MARCHF1: variants seen among roughly 807,000 people sequenced by gnomAD.
The protein encoded by MARCHF1 is membrane associated ring-CH-type finger 1.
MARCHF1 carries 40 observed loss-of-function variants against 54.2 expected under a neutral mutation model. The observed-to-expected ratio is 0.74, with a 90% CI of 0.57 to 0.96. The LOEUF (loss-of-function observed/expected upper bound fraction) is 0.96, where lower values mean the gene tolerates loss of function less well. Among genes scored for constraint, MARCHF1 ranks in the 40% least tolerant of loss-of-function variants. MARCHF1 has a pLI of 0.00. For missense variants in MARCHF1, 586 were observed against 656.5 expected (o/e 0.89, Z 1.17); for synonymous variants, 236 against 236.3 (o/e 1.00, Z 0.01).
In MARCHF1 at chr4:163,882,501, G is replaced by A. The variant is rs957308867; in HGVS notation, c.-38-28332C>T. 4.6e-5 allele frequency among the ~76,000 whole-genome samples: 7 copies of A among 152,198 alleles called. No individual in the cohort carries two copies. The East Asian group carries it at 1.2e-3, about 25-fold the overall frequency. On this transcript the variant is annotated intron_variant, in intron 3 of 9. Transcript: ENST00000514618. ...TTACAAATGTCTAAATAATTTACCC[G>A]ATATTTAAGTTTCATAATTCTGTGA...
chr4:163,750,081 T>A (rs894267601), intron 4 of MARCHF1, among the ~76,000 whole-genome samples: 3 of 146,976 alleles, frequency 2.0e-5, no homozygotes, highest in African/African-American at 5.0e-5. Context: ...AAAAAAAAGA[T>A]CTCTTCCTCT....
chr4:163,707,769 A>G (rs1175152481), intron 4 of MARCHF1, among the ~76,000 whole-genome samples: 2 of 149,300 alleles, frequency 1.3e-5, no homozygotes, highest in Non-Finnish European at 3.0e-5. Context: ...CACTTAATAT[A>G]CAACTCTGTT....
intron 4 of MARCHF1, among the ~76,000 whole-genome samples, chr4:163,733,117 A>G (rs1745893708): frequency 7.4e-6 from 1 of 134,570 alleles, no homozygotes; most frequent in South Asian, 2.5e-4. Context: ...ACACCATTGC[A>G]CTCTAGCCTG....
chr4:164,183,091 T>C (rs1056709476), intron 1 of MARCHF1, among the ~76,000 whole-genome samples: 2 of 152,118 alleles, frequency 1.3e-5, no homozygotes, highest in African/African-American at 4.8e-5. Flanking sequence ...TTTACAACTG[T>C]TAACTTTTTC....
intron 1 of MARCHF1, among the ~76,000 whole-genome samples, chr4:164,164,320 T>A (rs1053824744): frequency 2.6e-5 from 4 of 151,560 alleles, no homozygotes; most frequent in African/African-American, 9.7e-5. Flanking sequence ...ATATCAACAA[T>A]ATAGATAAAC....
chr4:163,774,838 T>G (rs1747259931), intron 4 of MARCHF1, among the ~76,000 whole-genome samples: 1 of 152,124 alleles, frequency 6.6e-6, no homozygotes, highest in African/African-American at 2.4e-5. Context: ...TATCTCAATT[T>G]GACATGACCG....
intron 7 of MARCHF1, among the ~76,000 whole-genome samples, chr4:163,590,698 G>A (rs139635428): frequency 6.6e-6 from 1 of 152,178 alleles, no homozygotes; most frequent in Non-Finnish European, 1.5e-5. Context: ...ATCGTACAGA[G>A]TTTAACAGCT....
At chr4:164,193,716 A>C (rs1472866314) in intron 1 of MARCHF1, among the ~76,000 whole-genome samples, 1 of 152,168 alleles carries the variant, frequency 6.6e-6, no homozygotes, top group Non-Finnish European at 1.5e-5. Flanking sequence ...AAACATTTAA[A>C]AAATGAGTGG....
chr4:164,216,124 G>GAAAC (rs925148334), intron 1 of MARCHF1, among the ~76,000 whole-genome samples: 2 of 152,118 alleles, frequency 1.3e-5, no homozygotes, highest in African/African-American at 4.8e-5. Context: ...AAGTCTCTGT[G>GAAAC]AAACAAACAA....
rs530313023 is a variant in MARCHF1, at chr4:163,829,774, T to C, written c.111+24247A>G. Among the ~76,000 whole-genome samples, 6 of 152,348 alleles carry C rather than the reference T, an allele frequency of 3.9e-5. No individual in the cohort carries two copies. The East Asian group carries it at 1.2e-3, about 29-fold the overall frequency. ...TATGAATTTAGATTTTTCTTCACAGTTCTGTACTGAAGGGAATGTGAACAG... is the reference window on the plus strand; with the variant it reads ...TATGAATTTAGATTTTTCTTCACAGCTCTGTACTGAAGGGAATGTGAACAG... On this transcript the variant is annotated intron_variant, in intron 4 of 9. Coordinates refer to ENST00000514618, the MANE Select transcript of MARCHF1 (RefSeq NM_001394959.1).
chr4:163,845,909 TCCC>T (rs1749471940), intron 4 of MARCHF1, among the ~76,000 whole-genome samples: 2 of 152,186 alleles, frequency 1.3e-5, no homozygotes, highest in Non-Finnish European at 2.9e-5. Context: ...AGCATCAGTC[TCCC>T]CTTCGCATTC....
At chr4:164,318,327 G>A (rs1324276615) in intron 1 of MARCHF1, among the ~76,000 whole-genome samples, 1 of 152,094 alleles carries the variant, frequency 6.6e-6, no homozygotes, top group African/African-American at 2.4e-5. Flanking sequence ...AATGTTTGAT[G>A]TTAACGTGGG....
chr4:164,230,267 C>T (rs370510231), intron 1 of MARCHF1, among the ~76,000 whole-genome samples: 17 of 151,794 alleles, frequency 1.1e-4, no homozygotes, highest in African/African-American at 2.9e-4. Context: ...GTAGTACATG[C>T]GCCCATAATC....
chr4:163,524,526 T>C (rs969193043), downstream of MARCHF1: 9 of 152,188 alleles, frequency 5.9e-5, no homozygotes, highest in Admixed American at 3.3e-4. Context: ...AAAGTCCACA[T>C]AGTTTATTTT....
intron 1 of MARCHF1, among the ~76,000 whole-genome samples, chr4:164,262,514 G>C (rs1733496362): frequency 6.6e-6 from 1 of 152,200 alleles, no homozygotes; most frequent in Admixed American, 6.5e-5. Context: ...GAGCATTAGA[G>C]ATGCCAGCCC....
intron 1 of MARCHF1, among the ~76,000 whole-genome samples, chr4:164,322,913 G>A (rs546665773): frequency 6.6e-6 from 1 of 152,000 alleles, no homozygotes; most frequent in South Asian, 2.1e-4. Context: ...ACCTAAATAT[G>A]ATTGCTAAAT....
At chr4:164,194,249 T>C (rs1478454296) in intron 1 of MARCHF1, among the ~76,000 whole-genome samples, 1 of 152,216 alleles carries the variant, frequency 6.6e-6, no homozygotes, top group East Asian at 1.9e-4. Flanking sequence ...TTTTTTCTTT[T>C]AGCTTTTTCT....
At chr4:164,245,545 AG>A (rs1732921683) in intron 1 of MARCHF1, among the ~76,000 whole-genome samples, 1 of 151,828 alleles carries the variant, frequency 6.6e-6, no homozygotes, top group Admixed American at 6.6e-5. Context: ...GGCACAAGAC[AG>A]GGATGCCCTC....
intron 3 of MARCHF1, among the ~76,000 whole-genome samples, chr4:163,887,074 A>C (rs1750554443): frequency 6.6e-6 from 1 of 152,150 alleles, no homozygotes; most frequent in African/African-American, 2.4e-5. Flanking sequence ...ATTGAATGGA[A>C]TTATCAAAAG....
Sources: allele counts gnomAD v4.1 joint callset (sites outside exome capture counted in the v4.1 genomes callset), GRCh38; gene constraint gnomAD v4.1.1; transcripts MANE v1.5; gene names NCBI Gene and HGNC (gene_info 2026-07-23, HGNC 2026-07-21).